Variants in GSE1 observed in about 807,000 individuals in gnomAD.
GSE1 encodes Gse1 coiled-coil protein, also known as genetic suppressor element 1.
A neutral mutation model predicts 112.6 loss-of-function variants in GSE1; 32 were observed. That is an observed-to-expected ratio of 0.28 (90% CI 0.21 to 0.38). The LOEUF (loss-of-function observed/expected upper bound fraction) is 0.38. Among genes scored for constraint, GSE1 ranks in the 10% least tolerant of loss-of-function variants. The pLI, the probability that GSE1 is intolerant of heterozygous loss-of-function variation, is 1.00. For missense variants in GSE1, 2,348 were observed against 1,699.2 expected, an observed-to-expected ratio of 1.38 and a Z score of -6.71; for synonymous variants, 1,115 against 735.6, an observed-to-expected ratio of 1.52 and a Z score of -8.35.
At chr16:85,637,192 C>T (rs982574705) in intron 2 of GSE1, among the ~76,000 whole-genome samples, 2 of 152,190 alleles carry the variant, frequency 1.3e-5, no homozygotes, top group African/African-American at 4.8e-5. Flanking sequence ...CTCCCCCAGC[C>T]CCCGGCGGCC....
intron 1 of GSE1, among the ~76,000 whole-genome samples, chr16:85,174,654 CAT>C (rs2074424732): frequency 1.3e-5 from 2 of 152,190 alleles, no homozygotes; most frequent in African/African-American, 4.8e-5. Context: ...GGGGGACACA[CAT>C]GAGGAGTGGA....
At chr16:85,626,831 A>G (rs1049983830) in intron 1 of GSE1, among the ~76,000 whole-genome samples, 2 of 151,798 alleles carry the variant, frequency 1.3e-5, no homozygotes, top group African/African-American at 4.8e-5. Context: ...CCTCGTGGGG[A>G]GGGGGAGCGA....
chr16:85,169,584 G>A (rs1206150724), exon 1 of GSE1: 1 of 981,726 alleles, frequency 1.0e-6, no homozygotes, highest in East Asian at 1.2e-4. Context: ...CCGTGGGCGA[G>A]CGGGCTGCGG....
chr16:85,658,613 A>G (rs1258634661), intron 8 of GSE1, among the ~76,000 whole-genome samples: 2 of 152,194 alleles, frequency 1.3e-5, no homozygotes, highest in Admixed American at 1.3e-4. Context: ...GACTGTCACC[A>G]GGCCACAGCT....
At chr16:85,563,371 C>G (rs188767079) in intron 1 of GSE1, among the ~76,000 whole-genome samples, 6 of 152,266 alleles carry the variant, frequency 3.9e-5, no homozygotes, top group African/African-American at 1.4e-4. Flanking sequence ...TCTTACAAGT[C>G]TTTAGGGGAA....
At chr16:85,532,055 G>A (rs769907484) in intron 2 of GSE1, among the ~76,000 whole-genome samples, 8 of 152,166 alleles carry the variant, frequency 5.3e-5, no homozygotes, top group East Asian at 1.9e-4. Context: ...CTCTGAGCGC[G>A]TTGTATACAG....
At chr16:85,450,202 A>G (rs1244601271) in intron 2 of GSE1, among the ~76,000 whole-genome samples, 4 of 133,440 alleles carry the variant, frequency 3.0e-5, no homozygotes, top group Non-Finnish European at 6.2e-5. Flanking sequence ...GCTCACCACA[A>G]CCTCCACCTC....
intron 1 of GSE1, among the ~76,000 whole-genome samples, chr16:85,342,445 C>T (rs957693360): frequency 6.6e-6 from 1 of 152,164 alleles, no homozygotes; most frequent in African/African-American, 2.4e-5. Flanking sequence ...GGTGAGGCGG[C>T]TCTGCTCCTT....
rs781761005 is a variant in GSE1 at position 85,654,928 on chromosome 16, C to T, written c.734C>T (p.Thr245Ile). The change falls in exon 5 of 16, where the codon ACT becomes ATT. Residue 245 changes from threonine (T) to isoleucine (I), a missense_variant. Transcript: ENST00000253458. Reference sequence around the variant, plus strand: ...CCTCCCCTCGGCCTGGACCCGGCCACTGCTGCAGCCTACTACCACCCCAGC... The same window carrying T: ...CCTCCCCTCGGCCTGGACCCGGCCATTGCTGCAGCCTACTACCACCCCAGC... ...SLPPLGLDPATAAAYYHPSYL... is the reference protein window; with the variant it reads ...SLPPLGLDPAIAAAYYHPSYL... 8 of 1,611,294 alleles carry T rather than the reference C, an allele frequency of 5.0e-6. No individual in the cohort carries two copies. The highest frequency in any genetic ancestry group is 1.1e-5 in the South Asian group (1 of 90,968).
intron 1 of GSE1, among the ~76,000 whole-genome samples, chr16:85,197,613 G>A (rs747912345): frequency 2.0e-5 from 3 of 152,194 alleles, no homozygotes; most frequent in Non-Finnish European, 2.9e-5. Context: ...AAGAGCGCTG[G>A]CCTCTCTGCA....
At chr16:85,615,593 G>C (rs1365521083) in intron 1 of GSE1, among the ~76,000 whole-genome samples, 1 of 152,194 alleles carries the variant, frequency 6.6e-6, no homozygotes, top group Non-Finnish European at 1.5e-5. Context: ...CCTAGGGTCA[G>C]CCCTGCCTTG....
chr16:85,589,430 G>A lies in GSE1; in HGVS notation c.37+33067G>A, dbSNP rs573847462. On this transcript the variant is annotated intron_variant, in intron 1 of 2. Transcript: ENST00000635906. ...CTGGGTGGGAGCTTTGACACGGCGCGGGTGGAGCCTGGGCACTTTTGGAAG... is the reference window on the plus strand; with the variant it reads ...CTGGGTGGGAGCTTTGACACGGCGCAGGTGGAGCCTGGGCACTTTTGGAAG... Among the ~76,000 whole-genome samples the A allele has an allele frequency of 7.9e-5, 12 of 152,324 alleles. No homozygotes were observed. The South Asian group carries it at 8.3e-4, about 11-fold the overall frequency.
At chr16:85,564,950 G>T (rs2045675198) in intron 1 of GSE1, among the ~76,000 whole-genome samples, 1 of 152,184 alleles carries the variant, frequency 6.6e-6, no homozygotes, top group African/African-American at 2.4e-5. Flanking sequence ...TTTAGGGGTG[G>T]GGAGAGTGTG....
intron 2 of GSE1, among the ~76,000 whole-genome samples, chr16:85,378,110 C>T (rs1373039430): frequency 6.6e-6 from 1 of 152,172 alleles, no homozygotes; most frequent in African/African-American, 2.4e-5. Flanking sequence ...CCACCCGGTG[C>T]CAGGGCTCGG....
chr16:85,196,958 G>A (rs1330003202), intron 1 of GSE1, among the ~76,000 whole-genome samples: 1 of 152,214 alleles, frequency 6.6e-6, no homozygotes, highest in Non-Finnish European at 1.5e-5. Flanking sequence ...CAGAGGATGA[G>A]CACTGGCCAG....
At chr16:85,476,130 C>G (rs1010975229) in intron 2 of GSE1, among the ~76,000 whole-genome samples, 1 of 152,316 alleles carries the variant, frequency 6.6e-6, no homozygotes, top group Non-Finnish European at 1.5e-5. Context: ...CGGGATTTCG[C>G]CATGTTGCCT....
intron 1 of GSE1, among the ~76,000 whole-genome samples, chr16:85,564,667 G>C (rs1463749977): frequency 6.6e-6 from 1 of 152,190 alleles, no homozygotes; most frequent in African/African-American, 2.4e-5. Flanking sequence ...TCTGAAGCCT[G>C]TGCGTCCTTC....
rs150810225 is a variant in GSE1, at chr16:85,381,391, A to G, written c.2464+23748A>G. Among the ~76,000 whole-genome samples, 492 of 152,334 alleles carry G rather than the reference A, an allele frequency of 3.2e-3. 3 individuals carry two copies. The highest frequency in any genetic ancestry group is 0.011 in the African/African-American group (446 of 41,572). On this transcript the variant is annotated intron_variant, in intron 2 of 2. Coordinates refer to the GSE1 transcript ENST00000637419. ...CTTGGGCTGTCCCCAGGTTTGGGCT[A>G]TGGTGAAGAATGCTGCTGGGAACAT...
chr16:85,218,788 C>G (rs1432464506), intron 1 of GSE1, among the ~76,000 whole-genome samples: 1 of 152,230 alleles, frequency 6.6e-6, no homozygotes, highest in African/African-American at 2.4e-5. Context: ...TTCCAGCGTG[C>G]AGTAGCCAGG....
Sources: gnomAD v4.1 joint callset for allele counts (sites outside exome capture counted in the v4.1 genomes callset) on GRCh38, gnomAD v4.1.1 for gene constraint, MANE v1.5 for transcripts, NCBI Gene and HGNC (gene_info 2026-07-23, HGNC 2026-07-21) for gene names.